FBN1: variants seen among roughly 807,000 people sequenced by gnomAD.
FBN1 encodes fibrillin-1.
Under a neutral mutation model 365.1 loss-of-function variants are expected in FBN1, and 29 were observed. That is an observed-to-expected ratio of 0.08 (90% CI 0.06 to 0.11). FBN1 has a LOEUF of 0.11. FBN1 is among the 10% of genes least tolerant of loss of function. FBN1 has a pLI of 1.00. For missense variants in FBN1, 2,476 were observed against 3,703.2 expected (o/e 0.67, Z 8.60); for synonymous variants, 1,210 against 1,270.5 (o/e 0.95, Z 1.01).
At chr15:48,442,965 C>T (rs1200281512) in intron 49 of FBN1, among the ~76,000 whole-genome samples, 1 of 152,166 alleles carries the variant, frequency 6.6e-6, no homozygotes, top group Non-Finnish European at 1.5e-5. Flanking sequence ...CCAAAATGTA[C>T]TTGCATTATA....
intron 6 of FBN1, among the ~76,000 whole-genome samples, chr15:48,550,820 C>G (rs1278045590): frequency 1.3e-5 from 2 of 152,164 alleles, no homozygotes; most frequent in Non-Finnish European, 2.9e-5. Flanking sequence ...GTGGCACTAA[C>G]CAAACTCCAT....
intron 2 of FBN1, among the ~76,000 whole-genome samples, chr15:48,626,054 A>C (rs76170754): frequency 6.6e-6 from 1 of 152,174 alleles, no homozygotes; most frequent in Non-Finnish European, 1.5e-5. Flanking sequence ...TTTTAAAAAA[A>C]GATCCAGCCT....
At chr15:48,604,538 T>C (rs371124149) in intron 4 of FBN1, among the ~76,000 whole-genome samples, 6 of 152,068 alleles carry the variant, frequency 3.9e-5, no homozygotes, top group African/African-American at 1.4e-4. Context: ...TCACTAAAAT[T>C]CTCAAACAAA....
chr15:48,474,414 G>C, intron 33 of FBN1, 37 bp from the exon 34 acceptor site: 1 of 1,613,460 alleles, frequency 6.2e-7, no homozygotes, highest in South Asian at 1.1e-5. Flanking sequence ...TAACAGAAAG[G>C]GTGGTATTTA....
intron 6 of FBN1, among the ~76,000 whole-genome samples, chr15:48,558,251 A>T (rs1314059201): frequency 2.6e-5 from 4 of 152,238 alleles, no homozygotes; most frequent in African/African-American, 9.6e-5. Context: ...TTATCTAAAC[A>T]AAACAGTTCA....
chr15:48,609,792 G>A (rs951971932), intron 4 of FBN1, among the ~76,000 whole-genome samples: 3 of 152,224 alleles, frequency 2.0e-5, no homozygotes, highest in Admixed American at 6.5e-5. Context: ...AGGCAAGAGG[G>A]CACCAGGAGT....
At position 48,419,066 on chromosome 15, in the gene FBN1, T is replaced by C. The variant is rs114193095; in HGVS notation, c.7819+1621A>G. 5.1e-3 allele frequency among the ~76,000 whole-genome samples: 780 copies of C among 152,314 alleles called. 4 individuals carry two copies. The highest frequency in any genetic ancestry group is 0.018 in the African/African-American group (750 of 41,566). Reference sequence around the variant, plus strand: ...CCAGGGAGGGCTGGTCTAAGAGATCTGCTCTGTTTCTTGTGGTTCTGGGGA... The same window carrying C: ...CCAGGGAGGGCTGGTCTAAGAGATCCGCTCTGTTTCTTGTGGTTCTGGGGA... On this transcript the variant is annotated intron_variant, in intron 63 of 65. Transcript: ENST00000316623.
At position 48,581,311 on chromosome 15, in the gene FBN1, T is replaced by G. The variant is rs117600019; in HGVS notation, c.538+14972A>C. On this transcript the variant is annotated intron_variant, in intron 6 of 65. Coordinates refer to ENST00000316623, the MANE Select transcript of FBN1 (RefSeq NM_000138.5). ...TACGTGCAGCAAGAAAACAAAGAGG[T>G]CATAAAAGAAAACCAATTCTCAACT... 3.3e-4 allele frequency among the ~76,000 whole-genome samples: 50 copies of G among 151,832 alleles called. No homozygotes were observed. The East Asian group carries it at 9.5e-3, about 29-fold the overall frequency.
rs937252280 is a variant in FBN1, at chr15:48,428,007, A to G, written c.6998-234T>C. On this transcript the variant is annotated intron_variant, in intron 57 of 65. Transcript: ENST00000316623. ...AAGACATTGGCCTAGACAAGCTTAT[A>G]ACTCTCTCTGCTCCCAGAAATACAG... 3 of 687,568 alleles carry G rather than the reference A, an allele frequency of 4.4e-6. No homozygotes were observed. The South Asian group carries it at 4.5e-5, about 10-fold the overall frequency. The allele number at this position is 687,568 out of a possible 1,614,324, so 42.6% of individuals were successfully genotyped here.
chr15:48,597,303 T>C (rs1251996496), intron 5 of FBN1, among the ~76,000 whole-genome samples: 1 of 152,190 alleles, frequency 6.6e-6, no homozygotes. Context: ...TGCTGTACCT[T>C]CAGATCTGCT....
intron 2 of FBN1, among the ~76,000 whole-genome samples, chr15:48,619,942 A>G (rs1889735485): frequency 6.6e-6 from 1 of 152,092 alleles, no homozygotes; most frequent in Non-Finnish European, 1.5e-5. Context: ...GCTTCGACCT[A>G]TATGAATGCC....
At chr15:48,566,312 C>A (rs2044258401) in intron 6 of FBN1, among the ~76,000 whole-genome samples, 1 of 152,200 alleles carries the variant, frequency 6.6e-6, no homozygotes, top group Non-Finnish European at 1.5e-5. Context: ...GACATCATTT[C>A]AACTTGGCTG....
At chr15:48,606,499 CTG>C (rs1276742446) in intron 4 of FBN1, among the ~76,000 whole-genome samples, 1 of 152,174 alleles carries the variant, frequency 6.6e-6, no homozygotes, top group Non-Finnish European at 1.5e-5. Flanking sequence ...GTTACATATT[CTG>C]TGATTCCATT....
At chr15:48,517,642 T>C (rs1350018641) in intron 10 of FBN1, among the ~76,000 whole-genome samples, 1 of 152,216 alleles carries the variant, frequency 6.6e-6, no homozygotes, top group Non-Finnish European at 1.5e-5. Flanking sequence ...TTTCCAAGGA[T>C]GTATTTATTT....
At chr15:48,608,673 G>A (rs1051579219) in intron 4 of FBN1, among the ~76,000 whole-genome samples, 4 of 152,080 alleles carry the variant, frequency 2.6e-5, no homozygotes, top group Non-Finnish European at 4.4e-5. Flanking sequence ...AGCTACTTGG[G>A]GACTTTGTCT....
chr15:48,566,521 G>C (rs1204457236), intron 6 of FBN1, among the ~76,000 whole-genome samples: 1 of 152,090 alleles, frequency 6.6e-6, no homozygotes, highest in Admixed American at 6.5e-5. Context: ...TAATCTTCCT[G>C]AATCATCCAA....
At chr15:48,632,154 C>T (rs1890000175) in intron 2 of FBN1, among the ~76,000 whole-genome samples, 1 of 152,158 alleles carries the variant, frequency 6.6e-6, no homozygotes, top group Non-Finnish European at 1.5e-5. Flanking sequence ...TTAAGTATAA[C>T]CAGATCTCCA....
At chr15:48,596,421 A>C (rs761437684) in intron 5 of FBN1, 43 bp from the exon 6 acceptor site, 1 of 1,550,470 alleles carries the variant, frequency 6.4e-7, no homozygotes, top group South Asian at 1.1e-5. Flanking sequence ...CCTGAAAATA[A>C]ATGCTAATGA....
chr15:48,463,854 T>A (rs375740119), intron 41 of FBN1, 45 bp downstream of exon 41: 6 of 1,568,776 alleles, frequency 3.8e-6, no homozygotes, highest in Non-Finnish European at 5.2e-6. Context: ...TTCCTCTTTG[T>A]AGATGAGAAC....
Sources: gnomAD v4.1 joint callset for allele counts (sites outside exome capture counted in the v4.1 genomes callset) on GRCh38, gnomAD v4.1.1 for gene constraint, MANE v1.5 for transcripts, NCBI Gene and HGNC (gene_info 2026-07-23, HGNC 2026-07-21) for gene names.